Variants in GNG13 observed in about 807,000 individuals in gnomAD.
GNG13 encodes the protein G protein subunit gamma 13, also known as guanine nucleotide-binding protein G(I)/G(S)/G(O) subunit gamma-13.
Under a neutral mutation model 8.2 loss-of-function variants are expected in GNG13, and 12 were observed. That is an observed-to-expected ratio of 1.47 (90% CI 0.94 to 2.38). The LOEUF (loss-of-function observed/expected upper bound fraction) is 2.38. GNG13 is among the 30% of genes most tolerant of loss of function. The pLI, the probability that GNG13 is intolerant of heterozygous loss-of-function variation, is 0.00. For missense variants in GNG13, 100 were observed against 85.2 expected (o/e 1.17, Z -0.68); for synonymous variants, 45 against 33.0 (o/e 1.37, Z -1.25).
Position 800,276 on chromosome 16 carries a change from C to A in GNG13, c.-35+390G>T, listed in dbSNP as rs76406764. The stretch of plus-strand genomic sequence containing the variant: ...TTTTCTCGGAGACCCTACACTCAGC[C>A]CCGTGGGCGCAGGACTAGCTGCGTG... On this transcript the variant is annotated intron_variant, in intron 1 of 2. Transcript: ENST00000248150. 9.3e-3 allele frequency among the ~76,000 whole-genome samples: 1,419 copies of A among 152,304 alleles called. 80 individuals carry two copies. In the South Asian group the frequency reaches 0.15, roughly 16 times the overall value.
rs577446937 is a variant in GNG13 at position 798,079 on chromosome 16, G to A, written c.*640C>T. 112 of 1,445,810 alleles carry A rather than the reference G, an allele frequency of 7.7e-5. No individual in the cohort carries two copies. Among genetic ancestry groups the A allele is most frequent in the South Asian group, 3.6e-4 (27 of 75,594 alleles). The allele number at this position is 1,445,810 out of a possible 1,614,324, so 89.6% of individuals were successfully genotyped here. ...TCACACCTTTACAGACTGTAATCAC[G>A]TGCGAGTGGAGTGGGGTTCACAGGA... On this transcript the variant is annotated 3_prime_UTR_variant, in exon 3 of 3. Coordinates refer to ENST00000248150, the MANE Select transcript of GNG13 (RefSeq NM_016541.3).
rs114667651 is a variant in GNG13, at chr16:798,244, G to A, written c.*475C>T. On this transcript the variant is annotated 3_prime_UTR_variant, in exon 3 of 3. Transcript: ENST00000248150. ...GGGCCGGGCGTGGTCTCACAGGATG[G>A]AGTGAATGGGGCCGGGCACAGTCTT... is the stretch of plus-strand genomic sequence containing the variant. The A allele has an allele frequency of 9.2e-3, 5,499 of 600,244 alleles. 174 individuals are homozygous for A. Among genetic ancestry groups the A allele is most frequent in the Admixed American group, 0.062 (2,192 of 35,608 alleles). 37.2% of individuals were successfully genotyped at this position (600,244 alleles called of 1,614,324 possible). A position where few individuals can be genotyped will look rare whatever the true frequency, so the allele number is the denominator to read the frequency against.
intron 1 of GNG13, among the ~76,000 whole-genome samples, chr16:799,518 C>T (rs1182386630): frequency 6.6e-6 from 1 of 152,144 alleles, no homozygotes. Flanking sequence ...GGCCCCTGCC[C>T]CGCCCCGCTG....
At position 798,200 on chromosome 16, in the gene GNG13, TCA is replaced by T. The variant is rs1399069126; in HGVS notation, c.*517_*518del. The stretch of plus-strand genomic sequence containing the variant: ...GGTGGGAGTGGGGCCAGGCGTGGTC[TCA>T]CAGGATAGAGTGAGTGGGGCCGGGC... On this transcript the variant is annotated 3_prime_UTR_variant, in exon 3 of 3. Coordinates refer to ENST00000248150, the MANE Select transcript of GNG13 (RefSeq NM_016541.3). 4 of 634,692 alleles carry T rather than the reference TCA, an allele frequency of 6.3e-6. No homozygotes were observed. Among genetic ancestry groups the T allele is most frequent in the Non-Finnish European group, 8.1e-6 (3 of 370,978 alleles). The allele number at this position is 634,692 out of a possible 1,614,324, so 39.3% of individuals were successfully genotyped here.
At chr16:799,835 C>G (rs1422737159) in intron 1 of GNG13, among the ~76,000 whole-genome samples, 1 of 152,120 alleles carries the variant, frequency 6.6e-6, no homozygotes, top group Non-Finnish European at 1.5e-5. Context: ...TGCCTCTCCC[C>G]CTACCCACTC....
rs187757197 is a variant in GNG13 at position 799,478 on chromosome 16, G to A, written c.-34-367C>T. ...CACGCAGGCTGACCCAGACCACGGTGTGAGGTGTGGGGCGAGGTCCTCAGG... is the reference window on the plus strand; with the variant it reads ...CACGCAGGCTGACCCAGACCACGGTATGAGGTGTGGGGCGAGGTCCTCAGG... On this transcript the variant is annotated intron_variant, in intron 1 of 2. Coordinates refer to ENST00000248150, the MANE Select transcript of GNG13 (RefSeq NM_016541.3). Among the ~76,000 whole-genome samples, 805 of 152,352 alleles carry A rather than the reference G, an allele frequency of 5.3e-3. 5 individuals are homozygous for A. Among genetic ancestry groups the A allele is most frequent in the African/African-American group, 0.019 (775 of 41,578 alleles).
At chr16:799,311 C>T (rs976536816) in intron 1 of GNG13, among the ~76,000 whole-genome samples, 200 bp from the exon 2 acceptor site, 6 of 152,208 alleles carry the variant, frequency 3.9e-5, no homozygotes, top group Non-Finnish European at 7.4e-5. Context: ...CCGCCTCCTG[C>T]ACTGGGACTA....
At chr16:799,524 C>A (rs752016411) in intron 1 of GNG13, among the ~76,000 whole-genome samples, 1 of 152,174 alleles carries the variant, frequency 6.6e-6, no homozygotes, top group Non-Finnish European at 1.5e-5. Flanking sequence ...TGCCCCGCCC[C>A]GCTGTGTGCC....
chr16:798,901 C>T (rs544474816), intron 2 of GNG13, 77 bp from the exon 3 acceptor site: 70 of 1,350,016 alleles, frequency 5.2e-5, no homozygotes, highest in African/African-American at 1.4e-4. Context: ...CTGTCGGCGG[C>T]GGTGGTCGTG....
rs903650446 is a variant in GNG13, at chr16:798,437, T to TG, written c.*281dup. 3 of 393,330 alleles carry TG rather than the reference T, an allele frequency of 7.6e-6. No individual in the cohort carries two copies. The African/African-American group carries it at 8.8e-5, about 11-fold the overall frequency. 24.4% of individuals were successfully genotyped at this position (393,330 alleles called of 1,614,324 possible). ...AGGATGGTGGGAGTGGGGCTGGAAG[T>TG]GGGGCTCACAGGATGGTGGGAGTGG... On this transcript the variant is annotated 3_prime_UTR_variant, in exon 3 of 3. Coordinates refer to ENST00000248150, the MANE Select transcript of GNG13 (RefSeq NM_016541.3).
rs376683017 is a variant in GNG13, at chr16:798,947, A to G, written c.98+33T>C. On this transcript the variant is annotated intron_variant, in intron 2 of 2. Transcript: ENST00000248150. ...TGAGCAGCCAGCGCAGGGCAGACAAATGAGAGGCAAATCAGGCAGGTGGGG... is the reference window on the plus strand; with the variant it reads ...TGAGCAGCCAGCGCAGGGCAGACAAGTGAGAGGCAAATCAGGCAGGTGGGG... 4 of 1,433,604 alleles carry G rather than the reference A, an allele frequency of 2.8e-6. No individual in the cohort carries two copies. The African/African-American group carries it at 5.6e-5, about 20-fold the overall frequency. 88.8% of individuals were successfully genotyped at this position (1,433,604 alleles called of 1,614,324 possible).
At chr16:800,148 G>A (rs979579618) in intron 1 of GNG13, among the ~76,000 whole-genome samples, 2 of 152,168 alleles carry the variant, frequency 1.3e-5, no homozygotes, top group Admixed American at 6.5e-5. Context: ...GGGAGCGAGC[G>A]GGGGCAGGTT....
At position 798,982 on chromosome 16, in the gene GNG13, G is replaced by C. The variant is rs373613761; in HGVS notation, c.96C>G (p.Pro32=). 21 of 1,582,022 alleles carry C rather than the reference G, an allele frequency of 1.3e-5. No homozygotes were observed. Among genetic ancestry groups the C allele is most frequent in the South Asian group, 7.7e-5 (7 of 90,500 alleles). ...AATCAGGCAGGTGGGGCACTCACTC[G>C]GGGATGGTCTTGGACGCCATCTCCC... ...FQREMASKTI[P]ELLKWIEDGI... is the part of the protein sequence containing the mutation. The change falls in exon 2 of 3, where the codon CCC becomes CCG. Residue 32 remains proline (P), a splice_region_variant and synonymous_variant. Transcript: ENST00000248150.
chr16:798,886 C>A (rs1425406228), intron 2 of GNG13, 62 bp from the exon 3 acceptor site: 6 of 1,367,260 alleles, frequency 4.4e-6, no homozygotes, highest in African/African-American at 2.9e-5. Context: ...TCCTGCTGCA[C>A]CTGCCTGTCG....
At chr16:799,414 G>T (rs1389819440) in intron 1 of GNG13, among the ~76,000 whole-genome samples, 2 of 152,218 alleles carry the variant, frequency 1.3e-5, no homozygotes. Flanking sequence ...AGGGTGCTCA[G>T]CACGGCAGGC....
At chr16:799,796 T>A (rs1050442238) in intron 1 of GNG13, among the ~76,000 whole-genome samples, 3 of 152,114 alleles carry the variant, frequency 2.0e-5, no homozygotes, top group Admixed American at 6.5e-5. Flanking sequence ...CTGCCACAAG[T>A]TCGAGGCAAG....
chr16:799,492 G>A (rs1436779653), intron 1 of GNG13, among the ~76,000 whole-genome samples: 1 of 152,192 alleles, frequency 6.6e-6, no homozygotes, highest in African/African-American at 2.4e-5. Flanking sequence ...GGTGTGGGGC[G>A]AGGTCCTCAG....
chr16:798,077 A>C lies in GNG13; in HGVS notation c.*642T>G. On this transcript the variant is annotated 3_prime_UTR_variant, in exon 3 of 3. Coordinates refer to ENST00000248150, the MANE Select transcript of GNG13 (RefSeq NM_016541.3). ...AGTCACACCTTTACAGACTGTAATC[A>C]CGTGCGAGTGGAGTGGGGTTCACAG... 6.9e-7 allele frequency: 1 copy of C among 1,451,816 alleles called. No homozygotes were observed. Among genetic ancestry groups the C allele is most frequent in the South Asian group, 1.3e-5 (1 of 75,920 alleles). 89.9% of individuals were successfully genotyped at this position (1,451,816 alleles called of 1,614,324 possible). A position where few individuals can be genotyped will look rare whatever the true frequency, so the allele number is the denominator to read the frequency against.
Position 798,548 on chromosome 16 carries a change from C to T in GNG13, c.*171G>A, listed in dbSNP as rs1246312723. ...AGTGAGTGGGGCCGGGAGTGGGGCT[C>T]ACAGGTTGGTGTGAGTGGGGCCGGG... On this transcript the variant is annotated 3_prime_UTR_variant, in exon 3 of 3. Coordinates refer to ENST00000248150, the MANE Select transcript of GNG13 (RefSeq NM_016541.3). The T allele has an allele frequency of 1.3e-5, 9 of 695,282 alleles. No individual in the cohort carries two copies. Among genetic ancestry groups the T allele is most frequent in the East Asian group, 1.0e-4 (4 of 38,764 alleles). The allele number at this position is 695,282 out of a possible 1,614,324, so 43.1% of individuals were successfully genotyped here.
Sources: gnomAD v4.1 joint callset for allele counts (sites outside exome capture counted in the v4.1 genomes callset) on GRCh38, gnomAD v4.1.1 for gene constraint, MANE v1.5 for transcripts, NCBI Gene and HGNC (gene_info 2026-07-23, HGNC 2026-07-21) for gene names.